FOXK2: variants seen among roughly 807,000 people sequenced by gnomAD.
The protein encoded by FOXK2 is forkhead box protein K2.
Under a neutral mutation model 53.3 loss-of-function variants are expected in FOXK2, and 24 were observed. That is an observed-to-expected ratio of 0.45 (90% CI 0.33 to 0.63). The LOEUF is 0.63. FOXK2 is among the 30% of genes least tolerant of loss of function. The probability of loss-of-function intolerance (pLI) is 0.03; values close to 1 mark genes in which losing one functional copy is unlikely to be tolerated. For missense variants in FOXK2, 952 were observed against 910.5 expected (o/e 1.05, Z -0.59); for synonymous variants, 505 against 407.1 (o/e 1.24, Z -2.89).
intron 8 of FOXK2, 105 bp downstream of exon 8, chr17:82,587,377 T>A: frequency 1.1e-6 from 1 of 872,828 alleles, no homozygotes; most frequent in Non-Finnish European, 1.8e-6. Flanking sequence ...AGCTTTTGTC[T>A]GAGGCAATGT....
At chr17:82,533,729 C>T (rs762594627) in intron 1 of FOXK2, among the ~76,000 whole-genome samples, 2 of 151,936 alleles carry the variant, frequency 1.3e-5, no homozygotes, top group Non-Finnish European at 2.9e-5. Flanking sequence ...CTCATATATG[C>T]GGCCCATCAT....
At chr17:82,558,359 C>T (rs1315468048) in intron 1 of FOXK2, among the ~76,000 whole-genome samples, 1 of 152,148 alleles carries the variant, frequency 6.6e-6, no homozygotes, top group Admixed American at 6.5e-5. Flanking sequence ...GAAACAGAAC[C>T]GATGCAAGGG....
intron 6 of FOXK2, among the ~76,000 whole-genome samples, chr17:82,584,963 G>A (rs993447786): frequency 5.3e-5 from 8 of 152,272 alleles, no homozygotes; most frequent in Non-Finnish European, 1.0e-4. Context: ...GTGTGGAAAT[G>A]TGTCCAAACT....
Position 82,563,438 on chromosome 17 carries a change from T to C in FOXK2, c.504T>C (p.Ser168=). Residue 168 remains serine, a synonymous_variant, in exon 2 of 9, where the codon TCT becomes TCC. Coordinates refer to ENST00000335255, the MANE Select transcript of FOXK2 (RefSeq NM_004514.4). ...AGAAGAGAGAGAAGCAGGAGGCGTC[T>C]GAGTCTCCAGTGAAGGCCGTACAGC... is the stretch of plus-strand genomic sequence containing the variant. ...SSEKREKQEA[S]ESPVKAVQPH... The C allele has an allele frequency of 1.9e-6, 3 of 1,614,196 alleles. No homozygotes were observed. Among genetic ancestry groups the C allele is most frequent in the Non-Finnish European group, 1.7e-6 (2 of 1,180,036 alleles).
chr17:82,564,088 T>G (rs1344882232), intron 2 of FOXK2, among the ~76,000 whole-genome samples: 1 of 77,468 alleles, frequency 1.3e-5, no homozygotes, highest in Non-Finnish European at 3.0e-5. Flanking sequence ...TTAAAGTGGT[T>G]TTTTTTTTTT....
chr17:82,554,396 T>C (rs895978134), intron 1 of FOXK2, among the ~76,000 whole-genome samples: 9 of 152,164 alleles, frequency 5.9e-5, no homozygotes, highest in Non-Finnish European at 1.2e-4. Context: ...CTCCAGACCA[T>C]TGGCCTGCAC....
At chr17:82,567,078 A>G (rs907691838) in intron 2 of FOXK2, among the ~76,000 whole-genome samples, 2 of 152,066 alleles carry the variant, frequency 1.3e-5, no homozygotes, top group South Asian at 2.1e-4. Flanking sequence ...CAGAGGGTAC[A>G]AGGCCACTCG....
intron 1 of FOXK2, among the ~76,000 whole-genome samples, chr17:82,527,519 C>G (rs562964164): frequency 6.6e-6 from 1 of 152,066 alleles, no homozygotes; most frequent in Non-Finnish European, 1.5e-5. Context: ...ATCCCAGCAA[C>G]TCAGGAGGCT....
chr17:82,524,769 T>G lies in FOXK2; in HGVS notation c.419+4462T>G, dbSNP rs575416060. The stretch of plus-strand genomic sequence containing the variant: ...CTGGAGGGTGGGCTCCATGGGGGTG[T>G]CTGGGCCCCACCTGGCAGGGCTCTT... On this transcript the variant is annotated intron_variant, in intron 1 of 8. Transcript: ENST00000335255. Among the ~76,000 whole-genome samples, 5 of 152,220 alleles carry G rather than the reference T, an allele frequency of 3.3e-5. No individual in the cohort carries two copies. In the South Asian group the frequency reaches 1.0e-3, roughly 32 times the overall value.
At chr17:82,524,881 C>T (rs2044401730) in intron 1 of FOXK2, among the ~76,000 whole-genome samples, 1 of 151,980 alleles carries the variant, frequency 6.6e-6, no homozygotes, top group African/African-American at 2.4e-5. Context: ...CTGGAAGAGA[C>T]TTTGGAGCAG....
intron 1 of FOXK2, among the ~76,000 whole-genome samples, chr17:82,535,087 T>C (rs2044507520): frequency 6.6e-6 from 1 of 152,130 alleles, no homozygotes; most frequent in African/African-American, 2.4e-5. Context: ...CACATGTTGG[T>C]TAGGCTGGTC....
At chr17:82,599,032 A>C (rs1276084986) in intron 8 of FOXK2, 1 of 151,648 alleles carries the variant, frequency 6.6e-6, no homozygotes, top group Non-Finnish European at 1.5e-5. Context: ...GTTGGGCTCC[A>C]AGCCTCTTCC....
In FOXK2 at chr17:82,578,736, C is replaced by T. The variant is rs983559930; in HGVS notation, c.910-4005C>T. On this transcript the variant is annotated intron_variant, in intron 4 of 8. Transcript: ENST00000335255. ...TAGGTTAGAATCTATTCTGATGCTGCGAACTGGGTTCTTTTACGTTTTCAG... is the reference window on the plus strand; with the variant it reads ...TAGGTTAGAATCTATTCTGATGCTGTGAACTGGGTTCTTTTACGTTTTCAG... 3.9e-5 allele frequency: 6 copies of T among 152,242 alleles called. No homozygotes were observed. The East Asian group carries it at 7.7e-4, about 20-fold the overall frequency. The allele number at this position is 152,242 out of a possible 1,614,324, so 9.4% of individuals were successfully genotyped here.
intron 4 of FOXK2, chr17:82,578,547 TTAAATTACCTTAG>T (rs2045018056): frequency 6.6e-6 from 1 of 152,196 alleles, no homozygotes. Context: ...TACAACAGCC[TTAAATTACCTTAG>T]AAACATAGTT....
chr17:82,592,497 G>C (rs1428817215), intron 8 of FOXK2, among the ~76,000 whole-genome samples: 1 of 152,212 alleles, frequency 6.6e-6, no homozygotes, highest in East Asian at 1.9e-4. Context: ...GCCACTCCCT[G>C]TCTGGACAGG....
At chr17:82,541,348 C>T (rs1392406749) in intron 1 of FOXK2, among the ~76,000 whole-genome samples, 2 of 151,754 alleles carry the variant, frequency 1.3e-5, no homozygotes, top group Non-Finnish European at 2.9e-5. Context: ...TCTCGGCTCA[C>T]TGCAACCTCC....
chr17:82,587,268 C>G lies in FOXK2; in HGVS notation c.1782C>G (p.Asn594Lys). 3 of 1,612,406 alleles carry G rather than the reference C, an allele frequency of 1.9e-6. No homozygotes were observed. The highest frequency in any genetic ancestry group is 2.5e-6 in the Non-Finnish European group (3 of 1,179,482). ...SVPTAVHGQV[N>K]NAAASPLHML... The stretch of plus-strand genomic sequence containing the variant: ...CCACTGCGGTCCACGGCCAGGTGAA[C>G]AATGGTAAGACATGCTGGTCGGTGG... Residue 594 changes from asparagine (N) to lysine (K), a missense_variant, in exon 8 of 9, where the codon AAC becomes AAG. Physicochemically the swap from Asn to Lys is moderately conservative, Grantham distance 94 (BLOSUM62 0). This residue lies in a region of FOXK2 where 551 missense variants were observed against 385.1 expected (regional missense o/e 1.43). Transcript: ENST00000335255.
chr17:82,598,369 G>A lies in FOXK2; in HGVS notation c.1787-2934G>A, dbSNP rs1567990977. ...CTCAGCCTCTCTTGGGGTTGCAGGCGTGGACCACTGTGCCTGGCCTACGCC... is the reference window on the plus strand; with the variant it reads ...CTCAGCCTCTCTTGGGGTTGCAGGCATGGACCACTGTGCCTGGCCTACGCC... On this transcript the variant is annotated intron_variant, in intron 8 of 8. Transcript: ENST00000335255. Among the ~76,000 whole-genome samples, 6 of 152,270 alleles carry A rather than the reference G, an allele frequency of 3.9e-5. No individual in the cohort carries two copies. In the South Asian group the frequency reaches 1.0e-3, roughly 26 times the overall value.
intron 1 of FOXK2, among the ~76,000 whole-genome samples, chr17:82,557,031 A>G (rs866678919): frequency 8.0e-6 from 1 of 124,648 alleles, no homozygotes; most frequent in East Asian, 2.7e-4. Flanking sequence ...TATTATTATT[A>G]TTTTTTATTT....
Sources: allele counts gnomAD v4.1 joint callset (sites outside exome capture counted in the v4.1 genomes callset), GRCh38; gene constraint gnomAD v4.1.1; regional missense constraint gnomAD v4.1.1; transcripts MANE v1.5; gene names NCBI Gene and HGNC (gene_info 2026-07-23, HGNC 2026-07-21).